PIWIL4: variants seen among roughly 807,000 people sequenced by gnomAD.
The protein encoded by PIWIL4 is piwi like RNA-mediated gene silencing 4.
PIWIL4 carries 50 observed loss-of-function variants against 100.9 expected under a neutral mutation model. The observed-to-expected ratio is 0.50, with a 90% CI of 0.39 to 0.63. The LOEUF (loss-of-function observed/expected upper bound fraction) is 0.63. Ranked by LOEUF, PIWIL4 falls within the 20% of genes least tolerant of loss-of-function variation. PIWIL4 has a pLI of 0.00. For missense variants in PIWIL4, 887 were observed against 1,043.3 expected (o/e 0.85, Z 2.06); for synonymous variants, 342 against 367.5 (o/e 0.93, Z 0.79).
chr11:94,579,157 T>C (rs2212361), intron 4 of PIWIL4, among the ~76,000 whole-genome samples: 34,853 of 152,222 alleles, frequency 0.23, 4,353 homozygotes, highest in East Asian at 0.28. Context: ...CCCTTGTGCC[T>C]GTATGTCCAA....
At chr11:94,614,071 C>CT (rs1322414852) in intron 15 of PIWIL4, among the ~76,000 whole-genome samples, 1 of 150,884 alleles carries the variant, frequency 6.6e-6, no homozygotes, top group Non-Finnish European at 1.5e-5. Flanking sequence ...TTGCTTGGTT[C>CT]TTTTTTAATT....
At chr11:94,602,695 A>G (rs1948659906) in intron 12 of PIWIL4, among the ~76,000 whole-genome samples, 1 of 152,258 alleles carries the variant, frequency 6.6e-6, no homozygotes, top group Non-Finnish European at 1.5e-5. Flanking sequence ...CTTAGAAAAG[A>G]GGAACAGATA....
At chr11:94,599,515 T>C (rs1948606865) in intron 11 of PIWIL4, among the ~76,000 whole-genome samples, 1 of 152,212 alleles carries the variant, frequency 6.6e-6, no homozygotes, top group Admixed American at 6.5e-5. Context: ...AGAAATGTTG[T>C]GGGCAGAAGG....
chr11:94,577,315 C>G lies in PIWIL4; in HGVS notation c.336C>G (p.Leu112=), dbSNP rs1169920534. 15 of 1,614,040 alleles carry G rather than the reference C, an allele frequency of 9.3e-6. No homozygotes were observed. Among genetic ancestry groups the G allele is most frequent in the Non-Finnish European group, 1.1e-5 (13 of 1,179,980 alleles). ...TACCTGTGAAACTGGTTACAAACCT[C>G]TTTAACTTAGATTTTCCCCAAGACT... ...SGIPVKLVTN[L]FNLDFPQDWQ... is the part of the protein sequence containing the mutation. The change falls in exon 4 of 20, where the codon CTC becomes CTG. Residue 112 remains leucine (L), a synonymous_variant. Transcript: ENST00000299001.
In PIWIL4 at chr11:94,613,635, T is replaced by A. The variant is rs186487560; in HGVS notation, c.1944-2858T>A. ...CAAAAACTCCATAGGCTTTCTTCCATCCTTTTATTTTTTCTCCTTTGTGTA... is the reference window on the plus strand; with the variant it reads ...CAAAAACTCCATAGGCTTTCTTCCAACCTTTTATTTTTTCTCCTTTGTGTA... On this transcript the variant is annotated intron_variant, in intron 15 of 19. Transcript: ENST00000299001. Among the ~76,000 whole-genome samples the A allele has an allele frequency of 2.7e-3, 406 of 152,346 alleles. 2 individuals carry two copies. The highest frequency in any genetic ancestry group is 9.4e-3 in the African/African-American group (392 of 41,590).
intron 2 of PIWIL4, 123 bp from the exon 3 acceptor site, chr11:94,574,876 C>A: frequency 1.0e-6 from 1 of 970,366 alleles, no homozygotes. Context: ...ATGGTTTCAG[C>A]AATATGGGCA....
Position 94,621,146 on chromosome 11 carries a change from C to A in PIWIL4, c.*154C>A. ...AAAAGCAAAACAACTTAATCTGAAA[C>A]AGTTTTAAAAAATGTGTGTTATTTT... On this transcript the variant is annotated 3_prime_UTR_variant, in exon 20 of 20. Coordinates refer to ENST00000299001, the MANE Select transcript of PIWIL4 (RefSeq NM_152431.3). 1.8e-6 allele frequency: 1 copy of A among 562,234 alleles called. No individual in the cohort carries two copies. 34.8% of individuals were successfully genotyped at this position (562,234 alleles called of 1,614,324 possible). A position where few individuals can be genotyped will look rare whatever the true frequency, so the allele number is the denominator to read the frequency against.
rs540830358 is a variant in PIWIL4 at position 94,614,338 on chromosome 11, G to T, written c.1944-2155G>T. 1.5e-4 allele frequency among the ~76,000 whole-genome samples: 18 copies of T among 122,124 alleles called. No individual in the cohort carries two copies. The East Asian group carries it at 2.8e-3, about 19-fold the overall frequency. The allele number at this position is 122,124 out of a possible 152,430, so 80.1% of individuals were successfully genotyped here. ...TTTTTCCTTTTTGAGATAGAGTTTCGCTCTTGTCACGCAGGCTGGAGTGTG... is the reference window on the plus strand; with the variant it reads ...TTTTTCCTTTTTGAGATAGAGTTTCTCTCTTGTCACGCAGGCTGGAGTGTG... On this transcript the variant is annotated intron_variant, in intron 15 of 19. Coordinates refer to ENST00000299001, the MANE Select transcript of PIWIL4 (RefSeq NM_152431.3).
chr11:94,594,067 C>G (rs1948521690), intron 9 of PIWIL4, among the ~76,000 whole-genome samples: 1 of 152,126 alleles, frequency 6.6e-6, no homozygotes, highest in African/African-American at 2.4e-5. Context: ...TAACAATGTT[C>G]TTTTGACTAA....
chr11:94,580,120 A>C (rs1352016685), intron 4 of PIWIL4, among the ~76,000 whole-genome samples: 3 of 152,194 alleles, frequency 2.0e-5, no homozygotes, highest in Non-Finnish European at 4.4e-5. Flanking sequence ...GACAAGTGAG[A>C]AAATAGACCA....
At chr11:94,603,918 A>G in intron 12 of PIWIL4, 66 bp from the exon 13 acceptor site, 1 of 931,698 alleles carries the variant, frequency 1.1e-6, no homozygotes, top group Non-Finnish European at 1.7e-6. Context: ...ATTATTTCTA[A>G]TGCCATATAA....
At chr11:94,611,199 G>C (rs541080515) in intron 15 of PIWIL4, among the ~76,000 whole-genome samples, 2 of 152,290 alleles carry the variant, frequency 1.3e-5, no homozygotes, top group South Asian at 4.1e-4. Flanking sequence ...TTGAAATCAG[G>C]AAGTGTGATG....
chr11:94,584,543 T>A (rs72963868), intron 5 of PIWIL4, among the ~76,000 whole-genome samples: 34,809 of 152,228 alleles, frequency 0.23, 4,355 homozygotes, highest in East Asian at 0.28. Context: ...TCTTTTATCT[T>A]ACTTTACCCT....
rs750833203 is a variant in PIWIL4 at position 94,601,776 on chromosome 11, T to C, written c.1381-19T>C. 3.1e-6 allele frequency: 5 copies of C among 1,610,856 alleles called. No homozygotes were observed. Among genetic ancestry groups the C allele is most frequent in the South Asian group, 2.2e-5 (2 of 90,540 alleles). On this transcript the variant is annotated intron_variant, in intron 11 of 19. Coordinates refer to ENST00000299001, the MANE Select transcript of PIWIL4 (RefSeq NM_152431.3). ...TGAATAAATTTGTTCAATCCTTTCATGATCATTATTTTTCTCAGTGTCAAC... is the reference window on the plus strand; with the variant it reads ...TGAATAAATTTGTTCAATCCTTTCACGATCATTATTTTTCTCAGTGTCAAC...
intron 1 of PIWIL4, among the ~76,000 whole-genome samples, chr11:94,568,104 A>G (rs1373391746): frequency 6.6e-6 from 1 of 151,000 alleles, no homozygotes; most frequent in African/African-American, 2.4e-5. Flanking sequence ...CTTTGGGGTG[A>G]TGTTATTAAT....
chr11:94,572,034 G>A (rs1948162519), intron 2 of PIWIL4, among the ~76,000 whole-genome samples: 1 of 152,164 alleles, frequency 6.6e-6, no homozygotes, highest in Admixed American at 6.5e-5. Context: ...TTCTCTGATG[G>A]CCAGTGATGA....
chr11:94,612,712 G>GC (rs1161109672), intron 15 of PIWIL4, among the ~76,000 whole-genome samples: 1 of 151,816 alleles, frequency 6.6e-6, no homozygotes, highest in African/African-American at 2.4e-5. Flanking sequence ...ATCTACTATG[G>GC]ATTTTTGCTT....
intron 15 of PIWIL4, among the ~76,000 whole-genome samples, chr11:94,611,860 T>G (rs759016484): frequency 3.2e-4 from 49 of 152,196 alleles, no homozygotes; most frequent in Admixed American, 1.2e-3. Flanking sequence ...TGTAAGACCA[T>G]GCGTCAAATA....
At chr11:94,600,060 T>C (rs1948612423) in intron 11 of PIWIL4, among the ~76,000 whole-genome samples, 1 of 152,178 alleles carries the variant, frequency 6.6e-6, no homozygotes, top group East Asian at 1.9e-4. Flanking sequence ...CTTCCCCACT[T>C]GCTGTGCCAA....
Sources: gnomAD v4.1 joint callset for allele counts (sites outside exome capture counted in the v4.1 genomes callset) on GRCh38, gnomAD v4.1.1 for gene constraint, MANE v1.5 for transcripts, NCBI Gene and HGNC (gene_info 2026-07-23, HGNC 2026-07-21) for gene names.